The following KCNN2 variants were observed in gnomAD, a reference collection of about 807,000 sequenced individuals.
KCNN2 encodes the protein potassium calcium-activated channel subfamily N member 2, also known as small conductance calcium-activated potassium channel protein 2.
Under a neutral mutation model 55.5 loss-of-function variants are expected in KCNN2, and 24 were observed. The ratio of observed to expected loss-of-function variants is 0.43; its 90% CI spans 0.31 to 0.61. The LOEUF (loss-of-function observed/expected upper bound fraction) is 0.61, where lower values mean the gene tolerates loss of function less well. Ranked by LOEUF, KCNN2 falls within the 20% of genes least tolerant of loss-of-function variation. The pLI is 0.08. For synonymous variants in KCNN2, 431 were observed against 336.1 expected, an observed-to-expected ratio of 1.28 and a Z score of -3.09; for missense variants, 754 against 853.6, an observed-to-expected ratio of 0.88 and a Z score of 1.45.
chr5:114,279,562 G>C (rs1755575877), intron 2 of KCNN2, among the ~76,000 whole-genome samples: 1 of 152,052 alleles, frequency 6.6e-6, no homozygotes, highest in African/African-American at 2.4e-5. Context: ...TTGGTTTTCT[G>C]TCCTTGCGAT....
chr5:114,406,969 A>G (rs1184242985), intron 3 of KCNN2, among the ~76,000 whole-genome samples: 1 of 152,180 alleles, frequency 6.6e-6, no homozygotes, highest in African/African-American at 2.4e-5. Flanking sequence ...ACTTTACTTC[A>G]GAATATTGAA....
At chr5:114,247,173 A>C (rs1754763425) in intron 2 of KCNN2, among the ~76,000 whole-genome samples, 1 of 145,178 alleles carries the variant, frequency 6.9e-6, no homozygotes, top group South Asian at 2.2e-4. Flanking sequence ...ATAATACAAA[A>C]ATTAGCCAGG....
chr5:114,374,629 G>C (rs1757879587), intron 2 of KCNN2, among the ~76,000 whole-genome samples: 1 of 152,080 alleles, frequency 6.6e-6, no homozygotes. Flanking sequence ...TATCTTTTCT[G>C]TTTTATTTCA....
At chr5:114,143,339 C>G (rs1394273700) in intron 1 of KCNN2, among the ~76,000 whole-genome samples, 3 of 152,102 alleles carry the variant, frequency 2.0e-5, no homozygotes, top group African/African-American at 7.2e-5. Flanking sequence ...TTTCCATAAC[C>G]TATGATTGGG....
intron 3 of KCNN2, among the ~76,000 whole-genome samples, chr5:114,421,963 T>C (rs1158069205): frequency 1.3e-5 from 2 of 152,224 alleles, no homozygotes; most frequent in Non-Finnish European, 2.9e-5. Flanking sequence ...TTGATTCACA[T>C]TCAAATTAAT....
At chr5:114,233,936 T>C (rs1470447274) in intron 2 of KCNN2, among the ~76,000 whole-genome samples, 2 of 152,172 alleles carry the variant, frequency 1.3e-5, no homozygotes, top group East Asian at 3.9e-4. Flanking sequence ...CACTTGAGCT[T>C]TTCTTTTATA....
intron 2 of KCNN2, among the ~76,000 whole-genome samples, chr5:114,373,014 T>A (rs1404490089): frequency 6.6e-6 from 1 of 152,198 alleles, no homozygotes; most frequent in Non-Finnish European, 1.5e-5. Flanking sequence ...GAGAAATTAC[T>A]GAATTAAAGG....
At chr5:114,286,850 G>A (rs1367444582) in intron 2 of KCNN2, among the ~76,000 whole-genome samples, 1 of 152,194 alleles carries the variant, frequency 6.6e-6, no homozygotes, top group African/African-American at 2.4e-5. Flanking sequence ...GATTTAGGAA[G>A]AAATGGTTAA....
chr5:114,148,454 T>C (rs1288824775), intron 1 of KCNN2, among the ~76,000 whole-genome samples: 2 of 152,102 alleles, frequency 1.3e-5, no homozygotes, highest in Non-Finnish European at 2.9e-5. Context: ...GTTTGGAAAT[T>C]GGCCACTGCT....
chr5:114,165,689 G>C (rs1265340552), intron 1 of KCNN2, among the ~76,000 whole-genome samples: 1 of 151,800 alleles, frequency 6.6e-6, no homozygotes, highest in African/African-American at 2.4e-5. Context: ...AAGTTTTTTT[G>C]GAAAAGTTAT....
chr5:114,492,037 G>A (rs752099605), intron 6 of KCNN2, among the ~76,000 whole-genome samples: 8 of 152,060 alleles, frequency 5.3e-5, no homozygotes, highest in African/African-American at 1.9e-4. Context: ...AATTAACTTC[G>A]TTCCAGCATT....
intron 2 of KCNN2, among the ~76,000 whole-genome samples, chr5:114,226,295 C>A (rs1162350237): frequency 1.3e-5 from 2 of 152,016 alleles, no homozygotes; most frequent in Non-Finnish European, 2.9e-5. Flanking sequence ...TAGATACTGG[C>A]AAATTCTCTG....
intron 1 of KCNN2, among the ~76,000 whole-genome samples, chr5:114,155,979 A>C (rs1050931161): frequency 2.0e-5 from 3 of 152,030 alleles, no homozygotes; most frequent in African/African-American, 4.8e-5. Context: ...TAATAGTATT[A>C]CCTAGGTTGT....
chr5:114,393,550 A>G (rs922940402), intron 2 of KCNN2, among the ~76,000 whole-genome samples: 2 of 151,996 alleles, frequency 1.3e-5, no homozygotes, highest in Admixed American at 6.6e-5. Flanking sequence ...ATTATTAACT[A>G]ACTTATATTC....
chr5:114,205,330 C>G (rs188755299), intron 1 of KCNN2, among the ~76,000 whole-genome samples: 40 of 152,326 alleles, frequency 2.6e-4, no homozygotes, highest in African/African-American at 9.1e-4. Context: ...ACAGTGGATT[C>G]TAATGGCACT....
Position 114,382,623 on chromosome 5 carries a change from G to A in KCNN2, c.1218+18622G>A, listed in dbSNP as rs192356440. Reference sequence around the variant, plus strand: ...TGGAGACAGAGAAAGAATGCTAATGGAGAAAAGCCACCCAAGACAATACTA... The same window carrying A: ...TGGAGACAGAGAAAGAATGCTAATGAAGAAAAGCCACCCAAGACAATACTA... On this transcript the variant is annotated intron_variant, in intron 2 of 7. Coordinates refer to ENST00000673685, the MANE Select transcript of KCNN2 (RefSeq NM_021614.4). 1.3e-5 allele frequency among the ~76,000 whole-genome samples: 2 copies of A among 152,306 alleles called. 1 individual carries two copies. Among genetic ancestry groups the A allele is most frequent in the East Asian group, 3.9e-4 (2 of 5,188 alleles).
intron 2 of KCNN2, among the ~76,000 whole-genome samples, chr5:114,356,759 T>C (rs1201469205): frequency 6.6e-6 from 1 of 152,162 alleles, no homozygotes; most frequent in Non-Finnish European, 1.5e-5. Context: ...GAAGAACACA[T>C]ATAATAATTA....
At chr5:114,450,629 T>A (rs1204785360) in intron 3 of KCNN2, among the ~76,000 whole-genome samples, 1 of 152,194 alleles carries the variant, frequency 6.6e-6, no homozygotes, top group Non-Finnish European at 1.5e-5. Context: ...CCAGATGTGT[T>A]GATATGAAGC....
At chr5:114,444,348 G>C (rs549091484) in intron 3 of KCNN2, among the ~76,000 whole-genome samples, 1 of 151,982 alleles carries the variant, frequency 6.6e-6, no homozygotes, top group Non-Finnish European at 1.5e-5. Context: ...CACTGACTTC[G>C]GAATGTGAAG....
Sources: gnomAD v4.1 joint callset for allele counts (sites outside exome capture counted in the v4.1 genomes callset) on GRCh38, gnomAD v4.1.1 for gene constraint, MANE v1.5 for transcripts, NCBI Gene and HGNC (gene_info 2026-07-23, HGNC 2026-07-21) for gene names.